DOCK1: variants seen among roughly 807,000 people sequenced by gnomAD.
DOCK1 encodes dedicator of cytokinesis protein 1.
In DOCK1, 138 loss-of-function variants were observed where a neutral mutation model predicts 262.7. The observed-to-expected ratio is 0.53, with a 90% CI of 0.46 to 0.61. The LOEUF is 0.61. Among genes scored for constraint, DOCK1 ranks in the 20% least tolerant of loss-of-function variants. DOCK1 has a pLI of 0.00. For synonymous variants in DOCK1, 866 were observed against 867.4 expected (o/e 1.00, Z 0.03); for missense variants, 1,908 against 2,370.7 (o/e 0.80, Z 4.05).
chr10:127,375,871 A>G (rs886863592), intron 35 of DOCK1, among the ~76,000 whole-genome samples: 1 of 152,234 alleles, frequency 6.6e-6, no homozygotes, highest in African/African-American at 2.4e-5. Flanking sequence ...AAAACAATCA[A>G]CAATTATTAG....
intron 27 of DOCK1, among the ~76,000 whole-genome samples, chr10:127,210,971 T>C (rs140071998): frequency 1.7e-3 from 266 of 152,330 alleles, no homozygotes; most frequent in African/African-American, 5.8e-3. Flanking sequence ...TTGTTTAGCA[T>C]TTTGTTGTAC....
At chr10:126,926,115 G>C (rs1415400336) in intron 1 of DOCK1, among the ~76,000 whole-genome samples, 1 of 152,232 alleles carries the variant, frequency 6.6e-6, no homozygotes, top group East Asian at 1.9e-4. Flanking sequence ...TGTGATAGGG[G>C]TAAAATGTTC....
chr10:127,143,312 T>C (rs2051456407), intron 27 of DOCK1, among the ~76,000 whole-genome samples: 1 of 152,224 alleles, frequency 6.6e-6, no homozygotes, highest in African/African-American at 2.4e-5. Flanking sequence ...GACAGGGCCA[T>C]GTGGCTCGGT....
chr10:127,004,842 C>A (rs904199491), intron 10 of DOCK1, among the ~76,000 whole-genome samples: 1 of 146,198 alleles, frequency 6.8e-6, no homozygotes, highest in Non-Finnish European at 1.5e-5. Context: ...ACCAGAATCT[C>A]TACTTTAACC....
chr10:127,337,698 C>T (rs943447054), intron 29 of DOCK1, among the ~76,000 whole-genome samples: 25 of 152,304 alleles, frequency 1.6e-4, no homozygotes, highest in African/African-American at 4.6e-4. Context: ...TTAATGTCCC[C>T]GGGGAAGAAG....
chr10:126,905,812 G>A (rs1465809357), intron 1 of DOCK1, among the ~76,000 whole-genome samples: 2 of 151,708 alleles, frequency 1.3e-5, no homozygotes, highest in Non-Finnish European at 2.9e-5. Flanking sequence ...GAATGGGGGC[G>A]GGCGCGTCCC....
intron 32 of DOCK1, among the ~76,000 whole-genome samples, chr10:127,359,865 T>C (rs986913598): frequency 1.3e-5 from 2 of 152,236 alleles, no homozygotes; most frequent in Non-Finnish European, 2.9e-5. Flanking sequence ...GGTTTCCTGA[T>C]TGTGTAGAAA....
At chr10:127,137,935 G>A (rs58148253) in intron 27 of DOCK1, 3 of 1,614,128 alleles carry the variant, frequency 1.9e-6, no homozygotes, top group Non-Finnish European at 2.5e-6. Context: ...TAAGGCGAAG[G>A]TATGACCTGA....
intron 1 of DOCK1, among the ~76,000 whole-genome samples, chr10:126,934,752 T>G (rs1328021297): frequency 2.2e-4 from 23 of 103,102 alleles, no homozygotes; most frequent in Non-Finnish European, 2.5e-5. Context: ...TACGAGTTTT[T>G]TTTTTTTTTT....
rs930274126 is a variant in DOCK1, at chr10:127,437,456, G to A, written c.5061-1571G>A. 6.8e-6 allele frequency among the ~76,000 whole-genome samples: 1 copy of A among 147,372 alleles called. No individual in the cohort carries two copies. The highest frequency in any genetic ancestry group is 6.9e-5 in the Admixed American group (1 of 14,534). ...TCAACAGTGAGCAAATCAATGGGGA[G>A]CAAGATTGCTGCAATGACCATCTTT... On this transcript the variant is annotated intron_variant, in intron 48 of 51. Transcript: ENST00000623213. The surrounding 1 kb of genome is among the most constrained non-coding windows in gnomAD (Gnocchi z 4.4).
intron 31 of DOCK1, among the ~76,000 whole-genome samples, chr10:127,345,824 T>A (rs2063608470): frequency 6.6e-6 from 1 of 152,162 alleles, no homozygotes; most frequent in African/African-American, 2.4e-5. Context: ...GAATGCACGC[T>A]CCCTCAGGGC....
chr10:127,029,082 T>C (rs9418800), intron 16 of DOCK1, among the ~76,000 whole-genome samples: 26,333 of 152,298 alleles, frequency 0.17, 2,439 homozygotes, highest in South Asian at 0.33. Context: ...AAAATCCTTG[T>C]TTTTCTTGTC....
rs796125715 is a variant in DOCK1, at chr10:127,408,424, C to G, written c.4123-613C>G. On this transcript the variant is annotated intron_variant, in intron 40 of 51. Transcript: ENST00000623213. ...GTCCTGCTCTCCGTCCATCGCCAGT[C>G]ACTCACTCGGGGGAGGCCAGGAACT... 2.6e-5 allele frequency among the ~76,000 whole-genome samples: 4 copies of G among 152,292 alleles called. No individual in the cohort carries two copies. The South Asian group carries it at 8.3e-4, about 32-fold the overall frequency.
chr10:126,939,084 CGAGCACCGGAGGGGAT>C (rs1165781149), intron 1 of DOCK1, among the ~76,000 whole-genome samples: 3 of 106,686 alleles, frequency 2.8e-5, no homozygotes, highest in Non-Finnish European at 5.9e-5. Context: ...CCGGAGGGGA[CGAGCACCGGAGGGGAT>C]GAACACAGGA....
intron 22 of DOCK1, among the ~76,000 whole-genome samples, chr10:127,053,834 G>C (rs969903524): frequency 2.6e-5 from 4 of 152,202 alleles, no homozygotes; most frequent in Non-Finnish European, 5.9e-5. Context: ...GATGTGAAAA[G>C]TAAGTGTGTT....
chr10:127,064,357 G>A (rs2045724279), intron 23 of DOCK1, among the ~76,000 whole-genome samples: 2 of 152,192 alleles, frequency 1.3e-5, no homozygotes, highest in African/African-American at 4.8e-5. Context: ...GCGGATTAGA[G>A]TCAGCCACGG....
chr10:126,922,435 G>A (rs2033297654), intron 1 of DOCK1, among the ~76,000 whole-genome samples: 1 of 152,076 alleles, frequency 6.6e-6, no homozygotes, highest in Admixed American at 6.6e-5. Context: ...CACTGGTCTA[G>A]AGTCTTAGAA....
At chr10:127,400,991 C>T (rs1489245919) in intron 38 of DOCK1, among the ~76,000 whole-genome samples, 3 of 152,174 alleles carry the variant, frequency 2.0e-5, no homozygotes, top group Non-Finnish European at 4.4e-5. Context: ...TATACAACTT[C>T]ACTATCGTAG....
Position 127,433,415 on chromosome 10 carries a change from C to T in DOCK1, c.5047C>T (p.Pro1683Ser). 6.2e-7 allele frequency: 1 copy of T among 1,613,998 alleles called. No homozygotes were observed. The highest frequency in any genetic ancestry group is 8.5e-7 in the Non-Finnish European group (1 of 1,179,884). ...CTCATCGGACAGCACCCCTTCCAGA[C>T]CAGGCTCCGACGGGTGAGTCAAGCT... is the stretch of plus-strand genomic sequence containing the variant. Reference protein sequence around the residue: ...SLSSDSTPSRPGSDGFALEPL... With the variant: ...SLSSDSTPSRSGSDGFALEPL... Residue 1683 changes from proline to serine, a missense_variant, in exon 48 of 52, where the codon CCA (proline) becomes TCA (serine). By Grantham distance (74) the Pro-to-Ser change is moderately conservative. Coordinates refer to ENST00000623213, the MANE Select transcript of DOCK1 (RefSeq NM_001290223.2).
Sources: allele counts gnomAD v4.1 joint callset (sites outside exome capture counted in the v4.1 genomes callset), GRCh38; gene constraint gnomAD v4.1.1; non-coding constraint Gnocchi (gnomAD v3.1); transcripts MANE v1.5; gene names NCBI Gene and HGNC (gene_info 2026-07-23, HGNC 2026-07-21).